Variants in YWHAE observed in about 807,000 individuals in gnomAD.
The protein encoded by YWHAE is tyrosine 3-monooxygenase/tryptophan 5-monooxygenase activation protein epsilon.
YWHAE carries 4 observed loss-of-function variants against 30.1 expected under a neutral mutation model. The ratio of observed to expected loss-of-function variants is 0.13; its 90% CI spans 0.07 to 0.30. YWHAE has a LOEUF of 0.30. YWHAE is among the 10% of genes least tolerant of loss of function. YWHAE has a pLI of 1.00. For synonymous variants in YWHAE, 118 were observed against 111.8 expected (o/e 1.06, Z -0.35); for missense variants, 121 against 315.9 (o/e 0.38, Z 4.68).
At chr17:1,383,808 C>A (rs1005148073) in intron 1 of YWHAE, among the ~76,000 whole-genome samples, 4 of 152,158 alleles carry the variant, frequency 2.6e-5, no homozygotes, top group South Asian at 4.1e-4. Context: ...TTCCCGCAAT[C>A]TCCGCACTTT....
intron 1 of YWHAE, among the ~76,000 whole-genome samples, chr17:1,377,269 A>T (rs1185549343): frequency 6.6e-6 from 1 of 152,132 alleles, no homozygotes; most frequent in Non-Finnish European, 1.5e-5. Context: ...TCCTAAAGTC[A>T]CACAATGGTA....
intron 1 of YWHAE, among the ~76,000 whole-genome samples, chr17:1,388,315 G>C (rs1490632252): frequency 6.6e-6 from 1 of 150,668 alleles, no homozygotes; most frequent in Non-Finnish European, 1.5e-5. Flanking sequence ...AGGAGATCAA[G>C]ACCATCCTGG....
intron 1 of YWHAE, among the ~76,000 whole-genome samples, chr17:1,375,562 AG>A (rs2073109339): frequency 1.3e-5 from 2 of 152,204 alleles, no homozygotes; most frequent in Admixed American, 1.3e-4. Context: ...AGTAATTTTG[AG>A]TAACAAAATC....
At chr17:1,361,697 T>A in intron 3 of YWHAE, 4 of 499,150 alleles carry the variant, frequency 8.0e-6, no homozygotes, top group Non-Finnish European at 7.1e-6. Flanking sequence ...ATGGGATAGG[T>A]CTCACAAAAA....
chr17:1,398,516 CG>C (rs1404383091), intron 1 of YWHAE, among the ~76,000 whole-genome samples: 1 of 151,938 alleles, frequency 6.6e-6, no homozygotes, highest in African/African-American at 2.4e-5. Context: ...TGACTAAATC[CG>C]CATTTCGAGG....
intron 1 of YWHAE, among the ~76,000 whole-genome samples, chr17:1,383,889 C>T (rs959037492): frequency 1.3e-5 from 2 of 151,918 alleles, no homozygotes; most frequent in African/African-American, 4.8e-5. Flanking sequence ...GGCAAGACCC[C>T]ATCTCTTCAC....
At chr17:1,383,308 C>T (rs941128595) in intron 1 of YWHAE, among the ~76,000 whole-genome samples, 2 of 151,424 alleles carry the variant, frequency 1.3e-5, no homozygotes, top group Non-Finnish European at 2.9e-5. Flanking sequence ...TGAGATCGCG[C>T]GATTGCACTC....
At chr17:1,398,697 A>G (rs2150883542) in intron 1 of YWHAE, 1 of 152,334 alleles carries the variant, frequency 6.6e-6, no homozygotes, top group South Asian at 2.1e-4. Flanking sequence ...GTATCGCACA[A>G]TTATAAATGT....
At chr17:1,352,675 G>A (rs916930010) in intron 5 of YWHAE, among the ~76,000 whole-genome samples, 4 of 152,028 alleles carry the variant, frequency 2.6e-5, no homozygotes, top group African/African-American at 7.3e-5. Context: ...ACAGGAGCCC[G>A]CCACCACGCC....
At chr17:1,370,316 A>G (rs908978464) in intron 1 of YWHAE, among the ~76,000 whole-genome samples, 12 of 151,248 alleles carry the variant, frequency 7.9e-5, no homozygotes, top group South Asian at 2.1e-4. Flanking sequence ...TATTTTTAGT[A>G]GAGGCGGGGT....
intron 4 of YWHAE, among the ~76,000 whole-genome samples, chr17:1,360,878 A>G (rs1409967797): frequency 6.6e-6 from 1 of 152,178 alleles, no homozygotes; most frequent in African/African-American, 2.4e-5. Context: ...ACCAGCAACA[A>G]AAATATCCCA....
chr17:1,368,457 G>A (rs531678810), intron 1 of YWHAE, among the ~76,000 whole-genome samples: 3 of 151,702 alleles, frequency 2.0e-5, no homozygotes, highest in East Asian at 1.9e-4. Context: ...CCAGCTACTC[G>A]GGAGGCTGAG....
Position 1,373,561 on chromosome 17 carries a change from G to A in YWHAE, c.65-8503C>T, listed in dbSNP as rs542381399. Among the ~76,000 whole-genome samples the A allele has an allele frequency of 5.3e-5, 8 of 152,056 alleles. No homozygotes were observed. In the South Asian group the frequency reaches 1.7e-3, roughly 32 times the overall value. ...CGGGCGCCTGTAGTCCCAGCTACTC[G>A]GGAGGCTGAGGCAGGAGAATTGCGT... On this transcript the variant is annotated intron_variant, in intron 1 of 5. Coordinates refer to ENST00000264335, the MANE Select transcript of YWHAE (RefSeq NM_006761.5).
intron 1 of YWHAE, among the ~76,000 whole-genome samples, chr17:1,386,606 T>A (rs1460154036): frequency 6.6e-6 from 1 of 152,056 alleles, no homozygotes; most frequent in Non-Finnish European, 1.5e-5. Context: ...AAGGACAACT[T>A]TTACTCTTCA....
At chr17:1,386,496 C>T (rs1383702477) in intron 1 of YWHAE, among the ~76,000 whole-genome samples, 2 of 152,170 alleles carry the variant, frequency 1.3e-5, no homozygotes, top group Non-Finnish European at 2.9e-5. Flanking sequence ...GGTACATAGT[C>T]GGCATTCAGT....
intron 4 of YWHAE, 25 bp downstream of exon 4, chr17:1,361,067 G>A (rs201587016): frequency 1.2e-5 from 20 of 1,604,226 alleles, no homozygotes; most frequent in East Asian, 6.7e-5. Context: ...CACGCTGAGC[G>A]CTGCTGTTCT....
intron 1 of YWHAE, chr17:1,399,133 C>T (rs1374660660): frequency 6.6e-6 from 1 of 152,072 alleles, no homozygotes; most frequent in Non-Finnish European, 1.5e-5. Flanking sequence ...TTTTTACAAA[C>T]GGGGGGACGG....
chr17:1,390,763 T>C (rs1218077105), intron 1 of YWHAE, among the ~76,000 whole-genome samples: 1 of 152,222 alleles, frequency 6.6e-6, no homozygotes, highest in Non-Finnish European at 1.5e-5. Flanking sequence ...CATATTGCTT[T>C]AGCTCGATAA....
chr17:1,396,850 G>A (rs1410251049), intron 1 of YWHAE, among the ~76,000 whole-genome samples: 1 of 151,528 alleles, frequency 6.6e-6, no homozygotes, highest in African/African-American at 2.4e-5. Context: ...TCGAACTTCT[G>A]ACTTCAGGTG....
Sources: gnomAD v4.1 joint callset for allele counts (sites outside exome capture counted in the v4.1 genomes callset) on GRCh38, gnomAD v4.1.1 for gene constraint, MANE v1.5 for transcripts, NCBI Gene and HGNC (gene_info 2026-07-23, HGNC 2026-07-21) for gene names.